Variants in LARGE1 observed in about 807,000 individuals in gnomAD.
The protein encoded by LARGE1 is xylosyl- and glucuronyltransferase LARGE1.
LARGE1 carries 43 observed loss-of-function variants against 87.6 expected under a neutral mutation model. The observed-to-expected ratio is 0.49, with a 90% CI of 0.38 to 0.63. The LOEUF (loss-of-function observed/expected upper bound fraction) is 0.63, where lower values mean the gene tolerates loss of function less well. Ranked by LOEUF, LARGE1 falls within the 30% of genes least tolerant of loss-of-function variation. The probability of loss-of-function intolerance (pLI) is 0.00; values close to 1 mark genes in which losing one functional copy is unlikely to be tolerated. For missense variants in LARGE1, 802 were observed against 1,000.2 expected, an observed-to-expected ratio of 0.80 and a Z score of 2.67; for synonymous variants, 434 against 394.6, an observed-to-expected ratio of 1.10 and a Z score of -1.18.
intron 7 of LARGE1, among the ~76,000 whole-genome samples, chr22:33,404,180 C>T (rs568317242): frequency 2.1e-4 from 32 of 152,170 alleles, no homozygotes; most frequent in South Asian, 2.1e-3. Flanking sequence ...CAGTGGTCAG[C>T]GAAGACTTTT....
chr22:33,613,696 T>C (rs1032337723), intron 4 of LARGE1, among the ~76,000 whole-genome samples: 29 of 152,308 alleles, frequency 1.9e-4, no homozygotes, highest in South Asian at 8.3e-4. Flanking sequence ...GGAGTGTTTG[T>C]CTGGGACCTG....
chr22:33,297,137 G>A lies in LARGE1; in HGVS notation c.1730+7092C>T, dbSNP rs577530047. On this transcript the variant is annotated intron_variant, in intron 12 of 14. Coordinates refer to ENST00000397394, the MANE Select transcript of LARGE1 (RefSeq NM_133642.5). ...CTTCACCTGGTGCCACCTCTACCTGGCTTTGTTCACATGTCTGCACTCATT... is the reference window on the plus strand; with the variant it reads ...CTTCACCTGGTGCCACCTCTACCTGACTTTGTTCACATGTCTGCACTCATT... Among the ~76,000 whole-genome samples, 5 of 152,252 alleles carry A rather than the reference G, an allele frequency of 3.3e-5. No individual in the cohort carries two copies. The East Asian group carries it at 9.7e-4, about 29-fold the overall frequency.
the LARGE1 span, among the ~76,000 whole-genome samples, chr22:33,079,216 T>C: frequency 6.8e-6 from 1 of 147,046 alleles, no homozygotes; most frequent in Non-Finnish European, 1.5e-5. Context: ...TATCTAGTTA[T>C]CATTCTTTTT....
chr22:33,682,062 T>C (rs2081790845), intron 2 of LARGE1, among the ~76,000 whole-genome samples: 1 of 152,210 alleles, frequency 6.6e-6, no homozygotes, highest in Non-Finnish European at 1.5e-5. Context: ...CATGGTGTGG[T>C]GCGTGGACAC....
At chr22:33,319,293 G>T (rs537988645) in intron 10 of LARGE1, among the ~76,000 whole-genome samples, 55 of 152,324 alleles carry the variant, frequency 3.6e-4, no homozygotes, top group African/African-American at 1.1e-3. Context: ...GCCATGAGAA[G>T]ATGCCGAGGC....
chr22:33,288,235 A>T (rs1021375529), intron 12 of LARGE1, among the ~76,000 whole-genome samples: 3 of 152,174 alleles, frequency 2.0e-5, no homozygotes, highest in African/African-American at 7.2e-5. Context: ...AGTTACCTTT[A>T]AGGAAAGGAG....
At chr22:33,872,441 T>G (rs964654359) in intron 1 of LARGE1, among the ~76,000 whole-genome samples, 1 of 151,470 alleles carries the variant, frequency 6.6e-6, no homozygotes, top group African/African-American at 2.4e-5. Flanking sequence ...ACACGGCTCC[T>G]AAGAAAATAC....
At chr22:33,618,055 G>A (rs926784041) in intron 4 of LARGE1, among the ~76,000 whole-genome samples, 2 of 152,172 alleles carry the variant, frequency 1.3e-5, no homozygotes, top group African/African-American at 2.4e-5. Flanking sequence ...ACAATGCAAT[G>A]GCAAACTTAG....
At chr22:33,569,617 A>G (rs956668614) in intron 5 of LARGE1, among the ~76,000 whole-genome samples, 39 of 152,278 alleles carry the variant, frequency 2.6e-4, no homozygotes, top group African/African-American at 9.1e-4. Flanking sequence ...ACCCTCTTAG[A>G]GACGGCATGA....
chr22:33,167,413 C>T (rs776210879), intron 11 of LARGE1, among the ~76,000 whole-genome samples: 2 of 152,124 alleles, frequency 1.3e-5, no homozygotes, highest in African/African-American at 2.4e-5. Flanking sequence ...ATTTTGCATT[C>T]GATGAACAGT....
At chr22:33,830,101 G>A (rs1474438628) in intron 1 of LARGE1, among the ~76,000 whole-genome samples, 2 of 151,984 alleles carry the variant, frequency 1.3e-5, no homozygotes, top group African/African-American at 2.4e-5. Context: ...CCTTTGGGCC[G>A]GGTGCCAACC....
At chr22:33,462,935 T>C (rs1375573257) in intron 6 of LARGE1, among the ~76,000 whole-genome samples, 1 of 152,214 alleles carries the variant, frequency 6.6e-6, no homozygotes, top group African/African-American at 2.4e-5. Context: ...TCTCACACTG[T>C]GTTGGAGAAG....
chr22:33,373,972 C>CAAAAA (rs35830988), intron 9 of LARGE1, among the ~76,000 whole-genome samples: 2,863 of 59,404 alleles, frequency 0.048, 471 homozygotes, highest in African/African-American at 0.17. Context: ...GACTCCGTCT[C>CAAAAA]AAAAAAAAAA....
At chr22:33,580,079 G>C (rs2078469867) in intron 5 of LARGE1, among the ~76,000 whole-genome samples, 1 of 152,166 alleles carries the variant, frequency 6.6e-6, no homozygotes, top group Admixed American at 6.5e-5. Flanking sequence ...CTGTAAAGCA[G>C]ACACAAGGCG....
At chr22:33,380,887 T>C (rs1342569453) in intron 9 of LARGE1, among the ~76,000 whole-genome samples, 1 of 152,238 alleles carries the variant, frequency 6.6e-6, no homozygotes, top group Non-Finnish European at 1.5e-5. Flanking sequence ...GAAATCTTCG[T>C]TCTGTTGAAT....
At chr22:33,102,891 G>A in the LARGE1 span, among the ~76,000 whole-genome samples, 1 of 152,052 alleles carries the variant, frequency 6.6e-6, no homozygotes, top group Admixed American at 6.6e-5. Context: ...TGTCTGGGTG[G>A]AAATCTGCCC....
intron 2 of LARGE1, among the ~76,000 whole-genome samples, chr22:33,654,230 A>G (rs2080898181): frequency 6.6e-6 from 1 of 152,238 alleles, no homozygotes; most frequent in Non-Finnish European, 1.5e-5. Context: ...AGCAACATTC[A>G]TGCTGTGCCC....
chr22:33,298,687 T>G (rs376771308), intron 12 of LARGE1, among the ~76,000 whole-genome samples: 1 of 151,866 alleles, frequency 6.6e-6, no homozygotes, highest in Non-Finnish European at 1.5e-5. Context: ...AAAAATTAGC[T>G]GGGCAAGGTG....
At chr22:33,252,251 T>TTCCC (rs1927041347) in intron 11 of LARGE1, among the ~76,000 whole-genome samples, 4 of 111,522 alleles carry the variant, frequency 3.6e-5, no homozygotes, top group Admixed American at 1.0e-4. Flanking sequence ...ATTCCTTCAT[T>TTCCC]CCCCCCCCCC....
Sources: allele counts gnomAD v4.1 joint callset (sites outside exome capture counted in the v4.1 genomes callset), GRCh38; gene constraint gnomAD v4.1.1; transcripts MANE v1.5; gene names NCBI Gene and HGNC (gene_info 2026-07-23, HGNC 2026-07-21).